The following ARMC8 variants were observed in gnomAD, a reference collection of about 807,000 sequenced individuals.
ARMC8 encodes armadillo repeat containing 8, also known as armadillo repeat-containing protein 8.
A neutral mutation model predicts 99.3 loss-of-function variants in ARMC8; 20 were observed. The observed-to-expected ratio is 0.20, with a 90% CI of 0.14 to 0.29. ARMC8 has a LOEUF of 0.29. Among genes scored for constraint, ARMC8 ranks in the 10% least tolerant of loss-of-function variants. The pLI is 1.00. For synonymous variants in ARMC8, 263 were observed against 278.3 expected, an observed-to-expected ratio of 0.95 and a Z score of 0.55; for missense variants, 569 against 809.5, an observed-to-expected ratio of 0.70 and a Z score of 3.60.
intron 6 of ARMC8, among the ~76,000 whole-genome samples, chr3:138,233,842 C>G (rs2046189689): frequency 1.3e-5 from 2 of 152,170 alleles, no homozygotes; most frequent in Admixed American, 6.5e-5. Context: ...TGATATTTTT[C>G]TCTTCTGAGT....
At chr3:138,292,956 G>A (rs1399597773) in intron 21 of ARMC8, among the ~76,000 whole-genome samples, 1 of 152,150 alleles carries the variant, frequency 6.6e-6, no homozygotes. Flanking sequence ...AAAGATGCCT[G>A]GACGGTGGCC....
Position 138,295,996 on chromosome 3 carries a change from T to G in ARMC8, c.*104T>G. On this transcript the variant is annotated 3_prime_UTR_variant, in exon 22 of 22. Coordinates refer to ENST00000469044, the MANE Select transcript of ARMC8 (RefSeq NM_001363941.2). ...TCTATTTGCACAAGTCACCTTGGAC[T>G]GCAGGGAGCTGTTTTGCAAAAGCAG... is the stretch of plus-strand genomic sequence containing the variant. 8.0e-7 allele frequency: 1 copy of G among 1,255,112 alleles called. No homozygotes were observed. The allele number at this position is 1,255,112 out of a possible 1,614,324, so 77.7% of individuals were successfully genotyped here. A position where few individuals can be genotyped will look rare whatever the true frequency, so the allele number is the denominator to read the frequency against.
At chr3:138,264,648 G>C (rs2048096934) in intron 14 of ARMC8, among the ~76,000 whole-genome samples, 1 of 151,584 alleles carries the variant, frequency 6.6e-6, no homozygotes, top group Admixed American at 6.6e-5. Context: ...TTGAACTCCT[G>C]ACCACGTGAT....
chr3:138,260,339 A>G (rs574599366), intron 12 of ARMC8, among the ~76,000 whole-genome samples: 28 of 152,204 alleles, frequency 1.8e-4, no homozygotes, highest in Non-Finnish European at 3.1e-4. Context: ...TGGAGATAAA[A>G]TAATCATTAC....
intron 12 of ARMC8, among the ~76,000 whole-genome samples, chr3:138,248,322 G>A (rs2046972150): frequency 6.6e-6 from 1 of 152,158 alleles, no homozygotes; most frequent in African/African-American, 2.4e-5. Context: ...TAAGAGCATA[G>A]GCAGGAATTG....
intron 14 of ARMC8, 73 bp downstream of exon 14, chr3:138,264,285 T>C: frequency 8.5e-7 from 1 of 1,175,080 alleles, no homozygotes; most frequent in Non-Finnish European, 1.3e-6. Flanking sequence ...CTAACACTAC[T>C]CCCTGGTCTA....
At position 138,264,225 on chromosome 3, in the gene ARMC8, G is replaced by A. The variant is rs1441991496; in HGVS notation, c.1299+13G>A. On this transcript the variant is annotated intron_variant, in intron 14 of 21. Coordinates refer to ENST00000469044, the MANE Select transcript of ARMC8 (RefSeq NM_001363941.2). ...ACCTTTAATGAAGGTAAGAAGAAAG[G>A]GTCAGCCAGTAACAGCTGTACTCAC... The A allele has an allele frequency of 6.2e-7, 1 of 1,611,248 alleles. No homozygotes were observed. The highest frequency in any genetic ancestry group is 1.3e-5 in the African/African-American group (1 of 74,828).
intron 1 of ARMC8, among the ~76,000 whole-genome samples, chr3:138,207,404 A>G (rs2044430864): frequency 6.6e-6 from 1 of 152,186 alleles, no homozygotes; most frequent in Non-Finnish European, 1.5e-5. Flanking sequence ...TGCTTTCCTC[A>G]GTGCATGTTA....
In ARMC8 at chr3:138,241,973, A is replaced by G; in HGVS notation, c.1028A>G (p.Asp343Gly). The change falls in exon 11 of 22, where the codon GAT becomes GGT. Residue 343 changes from aspartate to glycine, a missense_variant. Physicochemically the swap from Asp to Gly is moderately conservative, Grantham distance 94 (BLOSUM62 -1). This residue lies in a region of ARMC8 where 227 missense variants were observed against 417.9 expected (regional missense o/e 0.54). Transcript: ENST00000469044. ...CCCAGCTCAGTGAGTGCCATCACTG[A>G]TATTAAAAGGGTATGTTATTTTCCT... is the stretch of plus-strand genomic sequence containing the variant. ...KYPSSVSAIT[D>G]IKRLDHDLKH... The G allele has an allele frequency of 6.2e-7, 1 of 1,613,824 alleles. No individual in the cohort carries two copies. The highest frequency in any genetic ancestry group is 8.5e-7 in the Non-Finnish European group (1 of 1,179,820).
intron 1 of ARMC8, among the ~76,000 whole-genome samples, chr3:138,191,056 A>G (rs1260463911): frequency 2.0e-5 from 3 of 152,120 alleles, no homozygotes; most frequent in Non-Finnish European, 2.9e-5. Context: ...AAGTGACAGA[A>G]GAAGAGCATA....
chr3:138,202,223 G>A (rs1157896107), intron 1 of ARMC8, among the ~76,000 whole-genome samples: 1 of 152,178 alleles, frequency 6.6e-6, no homozygotes, highest in Non-Finnish European at 1.5e-5. Flanking sequence ...GCAACCACTG[G>A]TTTAAACATT....
intron 17 of ARMC8, 53 bp downstream of exon 17, chr3:138,273,169 AAG>A: frequency 1.3e-6 from 2 of 1,529,696 alleles, no homozygotes; most frequent in Admixed American, 3.7e-5. Context: ...TATGCATTGC[AAG>A]ACATTGCTCT....
At chr3:138,235,702 A>G (rs969638807) in intron 7 of ARMC8, among the ~76,000 whole-genome samples, 1 of 151,832 alleles carries the variant, frequency 6.6e-6, no homozygotes, top group Non-Finnish European at 1.5e-5. Context: ...ATTGTGTAAC[A>G]TTAGAGTTGG....
At chr3:138,241,685 C>A (rs2046632873) in intron 10 of ARMC8, 98 bp from the exon 11 acceptor site, 1 of 1,030,550 alleles carries the variant, frequency 9.7e-7, no homozygotes, top group Non-Finnish European at 1.5e-6. Flanking sequence ...TGATCATAAA[C>A]ATTACTCCTG....
chr3:138,296,155 T>G lies in ARMC8; in HGVS notation c.*263T>G. On this transcript the variant is annotated 3_prime_UTR_variant, in exon 22 of 22. Coordinates refer to ENST00000469044, the MANE Select transcript of ARMC8 (RefSeq NM_001363941.2). ...ACTCTTTATTAGAACAATCAATCAT[T>G]TTCCTTTGGACCTACAATTTTTGCC... The G allele has an allele frequency of 5.0e-6, 2 of 399,384 alleles. No individual in the cohort carries two copies. The highest frequency in any genetic ancestry group is 9.0e-6 in the Non-Finnish European group (2 of 221,442). The allele number at this position is 399,384 out of a possible 1,614,324, so 24.7% of individuals were successfully genotyped here. A position where few individuals can be genotyped will look rare whatever the true frequency, so the allele number is the denominator to read the frequency against.
intron 18 of ARMC8, among the ~76,000 whole-genome samples, chr3:138,277,012 T>C (rs2049358280): frequency 6.6e-6 from 1 of 152,166 alleles, no homozygotes; most frequent in Non-Finnish European, 1.5e-5. Context: ...AACACCTTGT[T>C]TCAAGACTTA....
intron 18 of ARMC8, among the ~76,000 whole-genome samples, chr3:138,276,329 C>T (rs140090439): frequency 1.1e-4 from 16 of 152,288 alleles, no homozygotes; most frequent in Non-Finnish European, 1.8e-4. Flanking sequence ...TCAGTTTTGA[C>T]ACGTGCATCC....
At chr3:138,205,060 CTTTTTTTTTTTTTT>C (rs71146118) in intron 1 of ARMC8, among the ~76,000 whole-genome samples, 1 of 93,222 alleles carries the variant, frequency 1.1e-5, no homozygotes. Flanking sequence ...CTTTTCTTTT[CTTTTTTTTTTTTTT>C]TTTTTTTTTT....
intron 21 of ARMC8, among the ~76,000 whole-genome samples, chr3:138,291,768 C>T (rs937116324): frequency 6.6e-6 from 1 of 152,148 alleles, no homozygotes; most frequent in African/African-American, 2.4e-5. Flanking sequence ...AAGAGTATTA[C>T]AGACAGGGGT....
Sources: gnomAD v4.1 joint callset for allele counts (sites outside exome capture counted in the v4.1 genomes callset) on GRCh38, gnomAD v4.1.1 for gene constraint, gnomAD v4.1.1 regional missense constraint, MANE v1.5 for transcripts, NCBI Gene and HGNC (gene_info 2026-07-23, HGNC 2026-07-21) for gene names.